Variants in KCNQ1 observed in about 807,000 individuals in gnomAD.
KCNQ1 encodes potassium voltage-gated channel subfamily Q member 1, also known as potassium voltage-gated channel subfamily KQT member 1.
In KCNQ1, 49 loss-of-function variants were observed where a neutral mutation model predicts 72.4. The ratio of observed to expected loss-of-function variants is 0.68; its 90% CI spans 0.54 to 0.86. KCNQ1 has a LOEUF of 0.86. KCNQ1 is among the 40% of genes least tolerant of loss of function. The probability of loss-of-function intolerance (pLI) is 0.00; values close to 1 mark genes in which losing one functional copy is unlikely to be tolerated. For synonymous variants in KCNQ1, 450 were observed against 412.6 expected, an observed-to-expected ratio of 1.09 and a Z score of -1.10; for missense variants, 790 against 945.1, an observed-to-expected ratio of 0.84 and a Z score of 2.15.
intron 1 of KCNQ1, among the ~76,000 whole-genome samples, chr11:2,456,137 A>G (rs1371214520): frequency 2.0e-5 from 3 of 152,072 alleles, no homozygotes; most frequent in African/African-American, 7.2e-5. Flanking sequence ...CAGGAGTTTG[A>G]GACCAGCTTG....
Position 2,601,225 on chromosome 11 carries a change from G to A in KCNQ1, c.1393+12371G>A, listed in dbSNP as rs1036918647. Among the ~76,000 whole-genome samples, 2 of 152,026 alleles carry A rather than the reference G, an allele frequency of 1.3e-5. No homozygotes were observed. Among genetic ancestry groups the A allele is most frequent in the African/African-American group, 4.8e-5 (2 of 41,394 alleles). On this transcript the variant is annotated intron_variant, in intron 10 of 15. Coordinates refer to ENST00000155840, the MANE Select transcript of KCNQ1 (RefSeq NM_000218.3). The surrounding 1 kb of genome is among the most constrained non-coding windows in gnomAD (Gnocchi z 5.2). Reference sequence around the variant, plus strand: ...AAAGAAAAAAAAATACTGTCCAGTTGGAATGGTTACCTCATTGTGGTTTTG... The same window carrying A: ...AAAGAAAAAAAAATACTGTCCAGTTAGAATGGTTACCTCATTGTGGTTTTG...
Position 2,848,365 on chromosome 11 carries a change from T to A in KCNQ1, c.*362T>A. 1 of 524,802 alleles carries A rather than the reference T, an allele frequency of 1.9e-6. No individual in the cohort carries two copies. The highest frequency in any genetic ancestry group is 3.7e-6 in the Non-Finnish European group (1 of 272,676). The allele number at this position is 524,802 out of a possible 1,614,324, so 32.5% of individuals were successfully genotyped here. On this transcript the variant is annotated 3_prime_UTR_variant, in exon 16 of 16. Coordinates refer to ENST00000155840, the MANE Select transcript of KCNQ1 (RefSeq NM_000218.3). Reference sequence around the variant, plus strand: ...GCACAGGCTGAGTGCAGGCCCACCCTGCTTGGCCCAGGGGGCTTCCTGAGG... The same window carrying A: ...GCACAGGCTGAGTGCAGGCCCACCCAGCTTGGCCCAGGGGGCTTCCTGAGG...
At chr11:2,667,226 T>G (rs1590019027) in intron 11 of KCNQ1, 1 of 398,506 alleles carries the variant, frequency 2.5e-6, no homozygotes, top group African/African-American at 2.1e-5. Flanking sequence ...CTTTCCAAAC[T>G]TCACTTCCTC....
In KCNQ1 at chr11:2,599,539, G is replaced by T. The variant is rs1283745873; in HGVS notation, c.1393+10685G>T. Among the ~76,000 whole-genome samples the T allele has an allele frequency of 6.6e-6, 1 of 152,118 alleles. No homozygotes were observed. The highest frequency in any genetic ancestry group is 1.5e-5 in the Non-Finnish European group (1 of 68,020). ...TTATTTCTATGTGTTAACTTTCCAG[G>T]ATGTATTAGTTTGCTAGGACTGCCA... On this transcript the variant is annotated intron_variant, in intron 10 of 15. Coordinates refer to ENST00000155840, the MANE Select transcript of KCNQ1 (RefSeq NM_000218.3). This position sits in a 1 kb window ranked among gnomAD's most constrained non-coding sequence, Gnocchi z 4.7.
chr11:2,681,550 C>T (rs1230291622), intron 11 of KCNQ1: 1 of 398,380 alleles, frequency 2.5e-6, no homozygotes, highest in Non-Finnish European at 4.4e-6. Flanking sequence ...AGGAACTTAC[C>T]CTTTTCTAGA....
At chr11:2,719,799 A>G (rs1193640919) in intron 11 of KCNQ1, among the ~76,000 whole-genome samples, 1 of 152,202 alleles carries the variant, frequency 6.6e-6, no homozygotes, top group Non-Finnish European at 1.5e-5. Flanking sequence ...TCGGAGCCAA[A>G]CACCGTGCTG....
At position 2,477,584 on chromosome 11, in the gene KCNQ1, AC is replaced by A. The variant is rs1372815395; in HGVS notation, c.386+32103del. Among the ~76,000 whole-genome samples the A allele has an allele frequency of 1.3e-5, 2 of 152,064 alleles. No individual in the cohort carries two copies. The highest frequency in any genetic ancestry group is 4.8e-5 in the African/African-American group (2 of 41,398). On this transcript the variant is annotated intron_variant, in intron 1 of 15. Coordinates refer to ENST00000155840, the MANE Select transcript of KCNQ1 (RefSeq NM_000218.3). The surrounding 1 kb of genome is among the most constrained non-coding windows in gnomAD (Gnocchi z 5.0). ...AATCCTCATTATGATGGCAGACTAA[AC>A]CCATAGTGTGTTAAAAATGACCACA...
intron 11 of KCNQ1, chr11:2,689,030 G>A (rs1048628622): frequency 2.3e-5 from 9 of 398,780 alleles, no homozygotes; most frequent in Non-Finnish European, 3.5e-5. Context: ...GGAGCCCTGG[G>A]CTGCAGGGTT....
At chr11:2,732,022 C>T (rs2133941668) in intron 11 of KCNQ1, among the ~76,000 whole-genome samples, 1 of 152,360 alleles carries the variant, frequency 6.6e-6, no homozygotes, top group African/African-American at 2.4e-5. Context: ...GTGTTCCTTC[C>T]TCCCCCTTCA....
At chr11:2,700,380 C>T (rs1326959305) in intron 11 of KCNQ1, among the ~76,000 whole-genome samples, 2 of 152,138 alleles carry the variant, frequency 1.3e-5, no homozygotes, top group Non-Finnish European at 2.9e-5. Context: ...TTCACCACCC[C>T]GGGGTGACCG....
At chr11:2,584,978 C>T (rs1056523806) in intron 7 of KCNQ1, among the ~76,000 whole-genome samples, 3 of 152,204 alleles carry the variant, frequency 2.0e-5, no homozygotes, top group African/African-American at 7.2e-5. Flanking sequence ...GTTAGAGCGG[C>T]TGCAGCCCTG....
chr11:2,481,306 G>T lies in KCNQ1; in HGVS notation c.386+35822G>T, dbSNP rs183974462. On this transcript the variant is annotated intron_variant, in intron 1 of 15. Transcript: ENST00000155840. This position sits in a 1 kb window ranked among gnomAD's most constrained non-coding sequence, Gnocchi z 4.6. The stretch of plus-strand genomic sequence containing the variant: ...AGTAAAATGACTCATCGTACCAAAA[G>T]CCAGAGATGCCAGCTTTTAGTTTCC... Among the ~76,000 whole-genome samples the T allele has an allele frequency of 1.8e-4, 27 of 152,316 alleles. No homozygotes were observed. The South Asian group carries it at 5.4e-3, about 30-fold the overall frequency.
chr11:2,837,175 C>A (rs559257927), intron 15 of KCNQ1, among the ~76,000 whole-genome samples: 55 of 152,270 alleles, frequency 3.6e-4, no homozygotes, highest in African/African-American at 1.2e-3. Flanking sequence ...AGAGAGGACA[C>A]CGTCTTGAGC....
rs1038895069 is a variant in KCNQ1, at chr11:2,463,947, C to A, written c.386+18463C>A. ...GCAGCACCGAGGGCTCCGTGCCCAG[C>A]AGGCTCACTGTCGGCAGTTGGGTCT... On this transcript the variant is annotated intron_variant, in intron 1 of 15. Coordinates refer to ENST00000155840, the MANE Select transcript of KCNQ1 (RefSeq NM_000218.3). This position sits in a 1 kb window ranked among gnomAD's most constrained non-coding sequence, Gnocchi z 7.0. 6.6e-6 allele frequency among the ~76,000 whole-genome samples: 1 copy of A among 152,242 alleles called. No individual in the cohort carries two copies. The highest frequency in any genetic ancestry group is 2.4e-5 in the African/African-American group (1 of 41,470).
intron 10 of KCNQ1, chr11:2,614,244 C>T (rs982155499): frequency 5.0e-6 from 2 of 398,426 alleles, no homozygotes; most frequent in Admixed American, 4.4e-5. Flanking sequence ...AGCTGCTGCT[C>T]TGGACTACCT....
In KCNQ1 at chr11:2,624,166, C is replaced by T. The variant is rs1027441439; in HGVS notation, c.1393+35312C>T. 28 of 398,450 alleles carry T rather than the reference C, an allele frequency of 7.0e-5. No individual in the cohort carries two copies. The highest frequency in any genetic ancestry group is 6.8e-4 in the East Asian group (19 of 28,084). 24.7% of individuals were successfully genotyped at this position (398,450 alleles called of 1,614,324 possible). ...GTTTTAATTTCCATTTCCCTAATGACGTAAGATGTGGGGCATCTTTTCATA... is the reference window on the plus strand; with the variant it reads ...GTTTTAATTTCCATTTCCCTAATGATGTAAGATGTGGGGCATCTTTTCATA... On this transcript the variant is annotated intron_variant, in intron 10 of 15. Transcript: ENST00000155840. This position sits in a 1 kb window ranked among gnomAD's most constrained non-coding sequence, Gnocchi z 4.9.
At position 2,624,403 on chromosome 11, in the gene KCNQ1, A is replaced by G. The variant is rs904017528; in HGVS notation, c.1393+35549A>G. 2.5e-6 allele frequency: 1 copy of G among 398,380 alleles called. No individual in the cohort carries two copies. Among genetic ancestry groups the G allele is most frequent in the Non-Finnish European group, 4.4e-6 (1 of 226,030 alleles). 24.7% of individuals were successfully genotyped at this position (398,380 alleles called of 1,614,324 possible). A position where few individuals can be genotyped will look rare whatever the true frequency, so the allele number is the denominator to read the frequency against. ...CTCTTGACAGTATGTTTTACAGAGC[A>G]GAAACTTTTATTTTTAACAAAGTCT... On this transcript the variant is annotated intron_variant, in intron 10 of 15. Transcript: ENST00000155840. The surrounding 1 kb of genome is among the most constrained non-coding windows in gnomAD (Gnocchi z 4.9).
In KCNQ1 at chr11:2,517,464, G is replaced by A. The variant is rs907004182; in HGVS notation, c.387-10464G>A. On this transcript the variant is annotated intron_variant, in intron 1 of 15. Coordinates refer to ENST00000155840, the MANE Select transcript of KCNQ1 (RefSeq NM_000218.3). ...GGGCGCGTTCCCCAGGGCCCCACGC[G>A]TGTTGAGTCCCCGCTGCGTCACTGT... 5.3e-5 allele frequency among the ~76,000 whole-genome samples: 8 copies of A among 152,184 alleles called. No homozygotes were observed. The South Asian group carries it at 6.2e-4, about 12-fold the overall frequency.
rs181608891 is a variant in KCNQ1 at position 2,446,244 on chromosome 11, A to T, written c.386+760A>T. On this transcript the variant is annotated intron_variant, in intron 1 of 15. Transcript: ENST00000155840. This position sits in a 1 kb window ranked among gnomAD's most constrained non-coding sequence, Gnocchi z 8.8. ...TGGATTTCTCAGGGACAGGCCTGGGAAGTCACCTCCGGGAAGGTCCAGGCT... is the reference window on the plus strand; with the variant it reads ...TGGATTTCTCAGGGACAGGCCTGGGTAGTCACCTCCGGGAAGGTCCAGGCT... Among the ~76,000 whole-genome samples, 1 of 152,090 alleles carries T rather than the reference A, an allele frequency of 6.6e-6. No homozygotes were observed. Among genetic ancestry groups the T allele is most frequent in the Non-Finnish European group, 1.5e-5 (1 of 67,950 alleles).
Sources: allele counts gnomAD v4.1 joint callset (sites outside exome capture counted in the v4.1 genomes callset), GRCh38; gene constraint gnomAD v4.1.1; non-coding constraint Gnocchi (gnomAD v3.1); transcripts MANE v1.5; gene names NCBI Gene and HGNC (gene_info 2026-07-23, HGNC 2026-07-21).